Variants in SP140 observed in about 807,000 individuals in gnomAD.
SP140 encodes the protein nuclear body protein SP140.
SP140 carries 81 observed loss-of-function variants against 125.0 expected under a neutral mutation model. The observed-to-expected ratio is 0.65, with a 90% CI of 0.54 to 0.78. The LOEUF (loss-of-function observed/expected upper bound fraction) is 0.78, where lower values mean the gene tolerates loss of function less well. Ranked by LOEUF, SP140 falls within the 30% of genes least tolerant of loss-of-function variation. The probability of loss-of-function intolerance (pLI) is 0.00; values close to 1 mark genes in which losing one functional copy is unlikely to be tolerated. For missense variants in SP140, 858 were observed against 1,037.0 expected, an observed-to-expected ratio of 0.83 and a Z score of 2.37; for synonymous variants, 312 against 354.0, an observed-to-expected ratio of 0.88 and a Z score of 1.33.
chr2:230,304,936 A>T (rs562579535), intron 22 of SP140, among the ~76,000 whole-genome samples: 2 of 152,238 alleles, frequency 1.3e-5, no homozygotes, highest in Non-Finnish European at 2.9e-5. Flanking sequence ...AAAGGCTTCT[A>T]TACAGCAAAA....
intron 1 of SP140, among the ~76,000 whole-genome samples, chr2:230,229,046 A>T (rs1419642186): frequency 6.6e-6 from 1 of 152,106 alleles, no homozygotes. Context: ...CATATCAATT[A>T]TACTTCCTTT....
At chr2:230,200,599 T>C, upstream of SP140, 1 of 476,072 alleles carries the variant, frequency 2.1e-6, no homozygotes, top group South Asian at 2.2e-5. Context: ...TCAGTAATGG[T>C]GATATTGCTG....
intron 9 of SP140, among the ~76,000 whole-genome samples, chr2:230,249,853 T>C (rs1410744913): frequency 2.0e-5 from 3 of 152,160 alleles, no homozygotes; most frequent in Non-Finnish European, 4.4e-5. Context: ...TAGTGAGTTT[T>C]CCAATCCAGG....
intron 1 of SP140, among the ~76,000 whole-genome samples, chr2:230,231,193 T>C (rs1251518268): frequency 6.6e-6 from 1 of 152,260 alleles, no homozygotes; most frequent in East Asian, 1.9e-4. Flanking sequence ...CCTTAACATA[T>C]TAACTAACCA....
chr2:230,231,483 T>C (rs1574891447), intron 1 of SP140, among the ~76,000 whole-genome samples: 1 of 152,240 alleles, frequency 6.6e-6, no homozygotes, highest in East Asian at 1.9e-4. Flanking sequence ...GTTCTTGTTT[T>C]TCTTTCCCCT....
At chr2:230,241,067 T>C (rs531438172) in intron 3 of SP140, among the ~76,000 whole-genome samples, 9 of 152,260 alleles carry the variant, frequency 5.9e-5, no homozygotes, top group African/African-American at 2.2e-4. Context: ...TACTGCATGA[T>C]CCTATTTATA....
At chr2:230,308,171 A>G (rs965877720) in intron 22 of SP140, among the ~76,000 whole-genome samples, 1 of 151,634 alleles carries the variant, frequency 6.6e-6, no homozygotes, top group African/African-American at 2.4e-5. Context: ...TCTCACTTAT[A>G]AGTTGGAGCT....
chr2:230,264,834 G>T (rs2052810533), intron 12 of SP140, among the ~76,000 whole-genome samples: 1 of 152,160 alleles, frequency 6.6e-6, no homozygotes, highest in Admixed American at 6.5e-5. Context: ...ACCATCTATG[G>T]GTCTCTCAGC....
At chr2:230,208,094 C>T in intron 1 of SP140, 1 of 1,152,756 alleles carries the variant, frequency 8.7e-7, no homozygotes, top group Non-Finnish European at 1.3e-6. Flanking sequence ...TAGTTACAAA[C>T]ATTGATCTCC....
intron 8 of SP140, 56 bp from the exon 9 acceptor site, chr2:230,248,829 T>C: frequency 6.4e-6 from 9 of 1,406,406 alleles, no homozygotes; most frequent in Non-Finnish European, 9.1e-6. Context: ...ATGAACACAC[T>C]GAGGCCTGTG....
At chr2:230,195,004 T>TAAACACCA in the SP140 span, among the ~76,000 whole-genome samples, 2 of 151,908 alleles carry the variant, frequency 1.3e-5, no homozygotes, top group Non-Finnish European at 1.5e-5. Context: ...AGGGGCCTGA[T>TAAACACCA]AAACACCAAG....
At chr2:230,292,608 A>C (rs758134359) in intron 19 of SP140, 38 bp from the exon 20 acceptor site, 9 of 1,613,438 alleles carry the variant, frequency 5.6e-6, no homozygotes, top group East Asian at 2.2e-5. Flanking sequence ...GCGCTGGGAA[A>C]AAAGAGGGCT....
At chr2:230,246,022 C>T (rs3813464) in intron 7 of SP140, 82 bp downstream of exon 7, 220,156 of 773,342 alleles carry the variant, frequency 0.28, 33,334 homozygotes, top group Middle Eastern at 0.36. Flanking sequence ...CCCATTCCCC[C>T]ATCTATTCAT....
Position 230,214,995 on chromosome 2 carries a change from G to A in SP140, c.-91+921G>A, listed in dbSNP as rs201053153. 3.7e-5 allele frequency: 59 copies of A among 1,613,714 alleles called. No homozygotes were observed. The highest frequency in any genetic ancestry group is 4.0e-5 in the Non-Finnish European group (47 of 1,179,758). On this transcript the variant is annotated intron_variant, in intron 3 of 4. Transcript: ENST00000456542. ...ATCGTCACCAGATTGGGATATTCAC[G>A]CAGGTTAATTTGACTGAACAATGTC...
At position 230,269,914 on chromosome 2, in the gene SP140, G is replaced by C. The variant is rs777541097; in HGVS notation, c.1405G>C (p.Glu469Gln). Reference protein sequence around the residue: ...CFSEEVPGSPEARTESDQACG... With the variant: ...CFSEEVPGSPQARTESDQACG... ...CTCAGAAGAGGTGCCAGGAAGCCCA[G>C]AAGCAAGGACGGAAAGTGATCAAGC... The change falls in exon 14 of 27, where the codon GAA (glutamate) becomes CAA (glutamine). Residue 469 changes from glutamate to glutamine, a missense_variant. Physicochemically the swap from Glu to Gln is conservative, Grantham distance 29. This residue lies in a region of SP140 where 791 missense variants were observed against 869.5 expected (regional missense o/e 0.91). Transcript: ENST00000392045. The C allele has an allele frequency of 6.2e-6, 10 of 1,613,974 alleles. No homozygotes were observed. The African/African-American group carries it at 1.3e-4, about 22-fold the overall frequency.
chr2:230,238,995 G>A, intron 3 of SP140: 1 of 1,489,384 alleles, frequency 6.7e-7, no homozygotes, highest in Non-Finnish European at 8.9e-7. Flanking sequence ...GTGGATTCTG[G>A]AAGGCTTGAC....
intron 1 of SP140, chr2:230,212,689 G>A: frequency 1.3e-6 from 2 of 1,569,156 alleles, no homozygotes; most frequent in Non-Finnish European, 1.8e-6. Context: ...CAAGATGCTG[G>A]GATTGGCGGC....
chr2:230,189,629 T>G, the SP140 span, among the ~76,000 whole-genome samples: 1 of 152,260 alleles, frequency 6.6e-6, no homozygotes, highest in East Asian at 1.9e-4. Flanking sequence ...GTTTCTTACA[T>G]AGGTATGCAT....
At chr2:230,188,264 G>A in the SP140 span, among the ~76,000 whole-genome samples, 1 of 152,070 alleles carries the variant, frequency 6.6e-6, no homozygotes, top group African/African-American at 2.4e-5. Flanking sequence ...TTTTAAAAGG[G>A]ATTGAGTTCT....
Sources: gnomAD v4.1 joint callset for allele counts (sites outside exome capture counted in the v4.1 genomes callset) on GRCh38, gnomAD v4.1.1 for gene constraint, gnomAD v4.1.1 regional missense constraint, MANE v1.5 for transcripts, NCBI Gene and HGNC (gene_info 2026-07-23, HGNC 2026-07-21) for gene names.